KLHDC4: variants seen among roughly 807,000 people sequenced by gnomAD.
KLHDC4 encodes kelch domain-containing protein 4.
Under a neutral mutation model 62.4 loss-of-function variants are expected in KLHDC4, and 90 were observed. The observed-to-expected ratio is 1.44, with a 90% confidence interval of 1.22 to 1.72. KLHDC4 has a LOEUF of 1.72. Among genes scored for constraint, KLHDC4 ranks in the 40% most tolerant of loss-of-function variants. The pLI is 0.00. For synonymous variants in KLHDC4, 386 were observed against 284.4 expected, an observed-to-expected ratio of 1.36 and a Z score of -3.59; for missense variants, 1,025 against 699.7, an observed-to-expected ratio of 1.47 and a Z score of -5.25.
intron 5 of KLHDC4, among the ~76,000 whole-genome samples, chr16:87,733,431 G>A (rs1046615575): frequency 6.6e-6 from 1 of 152,230 alleles, no homozygotes; most frequent in East Asian, 1.9e-4. Context: ...GGGCACACAG[G>A]AATGGCTTTG....
At position 87,709,270 on chromosome 16, in the gene KLHDC4, T is replaced by G. The variant is rs1170278165; in HGVS notation, c.1442A>C (p.Asp481Ala). The change falls in exon 10 of 12, where the codon GAC becomes GCC. Residue 481 changes from aspartate (D) to alanine (A), a missense_variant. Physicochemically the swap from Asp to Ala is moderately radical, Grantham distance 126. Coordinates refer to ENST00000270583, the MANE Select transcript of KLHDC4 (RefSeq NM_017566.4). ...CACCAAGCTGCCTGGCTCACCTGGG[T>G]CCATCTCCACCAAGGCCTTCCACGC... ...MEAWKALVEM[D>A]PETQEWLEET... The G allele has an allele frequency of 1.2e-6, 2 of 1,607,210 alleles. No individual in the cohort carries two copies. The highest frequency in any genetic ancestry group is 2.2e-5 in the East Asian group (1 of 44,716).
At position 87,711,249 on chromosome 16, in the gene KLHDC4, C is replaced by G; in HGVS notation, c.1030G>C (p.Glu344Gln). The G allele has an allele frequency of 6.2e-7, 1 of 1,614,114 alleles. No individual in the cohort carries two copies. The part of the protein sequence containing the change: ...FYDATRNRWF[E>Q]GQLKGPKSEK... ...GGTTGCACTACCTTCAGCTGTCCCTCAAACCAACGGTTCCTGGTGGCGTCG... is the reference window on the plus strand; with the variant it reads ...GGTTGCACTACCTTCAGCTGTCCCTGAAACCAACGGTTCCTGGTGGCGTCG... The change falls in exon 9 of 12, where the codon GAG becomes CAG. Residue 344 changes from glutamate to glutamine, a missense_variant. Coordinates refer to ENST00000270583, the MANE Select transcript of KLHDC4 (RefSeq NM_017566.4).
At chr16:87,715,579 G>A (rs571410802) in intron 7 of KLHDC4, among the ~76,000 whole-genome samples, 4 of 152,182 alleles carry the variant, frequency 2.6e-5, no homozygotes, top group Admixed American at 1.3e-4. Flanking sequence ...TGAGGACCAT[G>A]ATAGCTGTGT....
Position 87,756,419 on chromosome 16 carries a change from C to T in KLHDC4, c.250G>A (p.Glu84Lys). ...TTTACTTTTTGGCCGTTGAAATATTCACCTCCAAAAAGGATTAACTCATCT... is the reference window on the plus strand; with the variant it reads ...TTTACTTTTTGGCCGTTGAAATATTTACCTCCAAAAAGGATTAACTCATCT... ...EKDELILFGG[E>K]YFNGQKTFLY... The change falls in exon 3 of 12, where the codon GAA becomes AAA. Residue 84 changes from glutamate to lysine, a missense_variant. Transcript: ENST00000270583. 1.2e-6 allele frequency: 2 copies of T among 1,613,208 alleles called. No individual in the cohort carries two copies. Among genetic ancestry groups the T allele is most frequent in the Non-Finnish European group, 1.7e-6 (2 of 1,179,232 alleles).
At chr16:87,734,500 G>A (rs1482188306) in intron 5 of KLHDC4, among the ~76,000 whole-genome samples, 1 of 152,144 alleles carries the variant, frequency 6.6e-6, no homozygotes, top group African/African-American at 2.4e-5. Context: ...GAGCGAATTC[G>A]GTTCTCACTG....
chr16:87,749,906 G>A (rs911721741), intron 4 of KLHDC4, among the ~76,000 whole-genome samples: 8 of 152,174 alleles, frequency 5.3e-5, no homozygotes, highest in Admixed American at 5.2e-4. Context: ...GATTAATAAA[G>A]ACTCAGCACC....
At chr16:87,714,237 G>T (rs967333432) in intron 8 of KLHDC4, among the ~76,000 whole-genome samples, 1 of 152,224 alleles carries the variant, frequency 6.6e-6, no homozygotes, top group African/African-American at 2.4e-5. Context: ...GCTCCACAGA[G>T]GGCTGTCTGC....
At chr16:87,701,789 C>T (rs2142876526) in exon 1 of KLHDC4, 2 of 456,792 alleles carry the variant, frequency 4.4e-6, no homozygotes. Context: ...CATCCTTCTC[C>T]CGTCTGTGCC....
Position 87,755,298 on chromosome 16 carries a change from G to A in KLHDC4, c.271-6C>T, listed in dbSNP as rs769244558. 6.0e-6 allele frequency: 9 copies of A among 1,509,808 alleles called. No individual in the cohort carries two copies. Among genetic ancestry groups the A allele is most frequent in the South Asian group, 1.1e-5 (1 of 88,468 alleles). The allele number at this position is 1,509,808 out of a possible 1,614,324, so 93.5% of individuals were successfully genotyped here. On this transcript the variant is annotated splice_region_variant and splice_polypyrimidine_tract_variant and intron_variant, in intron 3 of 11. Transcript: ENST00000270583. Reference sequence around the variant, plus strand: ...AGCTCGTTATACAAAAAAGTCTACAGGAAGGAAGAAGAATGTCAGTGTCAC... The same window carrying A: ...AGCTCGTTATACAAAAAAGTCTACAAGAAGGAAGAAGAATGTCAGTGTCAC...
chr16:87,706,115 A>G (rs1597347010), downstream of KLHDC4, among the ~76,000 whole-genome samples: 1 of 136,492 alleles, frequency 7.3e-6, no homozygotes, highest in South Asian at 2.5e-4. Flanking sequence ...CTGCCGGCGC[A>G]AAAGCAAACA....
intron 8 of KLHDC4, 162 bp downstream of exon 8, chr16:87,714,336 T>TGGGC: frequency 1.4e-5 from 2 of 140,734 alleles, no homozygotes; most frequent in Non-Finnish European, 3.1e-5. Context: ...ATGGAGCCTG[T>TGGGC]CCCACCCGGC....
At chr16:87,727,525 T>C (rs879568445) in intron 6 of KLHDC4, among the ~76,000 whole-genome samples, 1 of 152,216 alleles carries the variant, frequency 6.6e-6, no homozygotes, top group African/African-American at 2.4e-5. Flanking sequence ...CGACCCTCTG[T>C]GCCCGAAATC....
At chr16:87,730,379 G>C (rs565424793) in intron 6 of KLHDC4, among the ~76,000 whole-genome samples, 173 bp downstream of exon 6, 18 of 152,346 alleles carry the variant, frequency 1.2e-4, no homozygotes, top group African/African-American at 4.3e-4. Context: ...GCCAGTGTGA[G>C]GCCCGGTGTG....
chr16:87,702,846 G>C (rs569442048), downstream of KLHDC4, among the ~76,000 whole-genome samples: 2 of 152,214 alleles, frequency 1.3e-5, no homozygotes, highest in African/African-American at 2.4e-5. Flanking sequence ...ATGACAGAGA[G>C]AACTTTTCTT....
At chr16:87,714,667 G>A (rs1010316788) in intron 7 of KLHDC4, 94 bp from the exon 8 acceptor site, 52 of 1,313,002 alleles carry the variant, frequency 4.0e-5, no homozygotes, top group Non-Finnish European at 5.5e-5. Context: ...GATGGAAGGG[G>A]CTGGAGGCCT....
chr16:87,702,579 T>G (rs2034197072), exon 1 of KLHDC4: 1 of 327,880 alleles, frequency 3.0e-6, no homozygotes, highest in Non-Finnish European at 6.1e-6. Context: ...CTAGCAGGAC[T>G]CTGCTCATCT....
intron 5 of KLHDC4, chr16:87,741,015 C>G (rs752411866): frequency 6.6e-6 from 1 of 152,170 alleles, no homozygotes; most frequent in Admixed American, 6.5e-5. Context: ...TGCTCCCGCA[C>G]GTGAGTTTTG....
intron 5 of KLHDC4, among the ~76,000 whole-genome samples, chr16:87,741,418 A>G (rs2042222767): frequency 6.6e-6 from 1 of 152,200 alleles, no homozygotes; most frequent in Non-Finnish European, 1.5e-5. Context: ...CAGCAGCATT[A>G]GACTCTCACA....
chr16:87,761,825 C>T (rs2045938434), intron 2 of KLHDC4, 124 bp downstream of exon 2: 1 of 932,458 alleles, frequency 1.1e-6, no homozygotes, highest in African/African-American at 1.7e-5. Context: ...TGACCAAGAA[C>T]AGGTTTTAAT....
Sources: gnomAD v4.1 joint callset for allele counts (sites outside exome capture counted in the v4.1 genomes callset) on GRCh38, gnomAD v4.1.1 for gene constraint, MANE v1.5 for transcripts, NCBI Gene and HGNC (gene_info 2026-07-23, HGNC 2026-07-21) for gene names.